The following MSRA variants were observed in gnomAD, a reference collection of about 807,000 sequenced individuals.
The protein encoded by MSRA is mitochondrial peptide methionine sulfoxide reductase.
In MSRA, 54 loss-of-function variants were observed where a neutral mutation model predicts 31.3. That is an observed-to-expected ratio of 1.73 (90% CI 1.39 to 2.17). The LOEUF is 2.17. Among genes scored for constraint, MSRA ranks in the 30% most tolerant of loss-of-function variants. The pLI is 0.00. For synonymous variants in MSRA, 169 were observed against 116.5 expected (o/e 1.45, Z -2.90); for missense variants, 507 against 300.9 (o/e 1.69, Z -5.07).
At chr8:10,160,292 A>AGG (rs1804520402) in intron 1 of MSRA, among the ~76,000 whole-genome samples, 1 of 152,076 alleles carries the variant, frequency 6.6e-6, no homozygotes, top group Non-Finnish European at 1.5e-5. Flanking sequence ...CAGGAGATCA[A>AGG]AGACCATCCT....
At chr8:10,274,165 G>C (rs1336326077) in intron 3 of MSRA, among the ~76,000 whole-genome samples, 2 of 152,216 alleles carry the variant, frequency 1.3e-5, no homozygotes, top group African/African-American at 2.4e-5. Context: ...GTTTGGAGCA[G>C]AGTTAATAAC....
rs72603903 is a variant in MSRA, at chr8:10,222,539, A to G, written c.211+14638A>G. Among the ~76,000 whole-genome samples the G allele has an allele frequency of 4.9e-3, 744 of 152,330 alleles. 17 individuals carry two copies. The East Asian group carries it at 0.08, about 16-fold the overall frequency. On this transcript the variant is annotated intron_variant, in intron 2 of 5. Coordinates refer to ENST00000317173, the MANE Select transcript of MSRA (RefSeq NM_012331.5). Reference sequence around the variant, plus strand: ...GCAATGAAATCACTATCTCAGAGATATTCATACTCTCACGTTCATTGAGGC... The same window carrying G: ...GCAATGAAATCACTATCTCAGAGATGTTCATACTCTCACGTTCATTGAGGC...
At chr8:10,280,192 T>G (rs1488217387) in intron 3 of MSRA, among the ~76,000 whole-genome samples, 7 of 151,444 alleles carry the variant, frequency 4.6e-5, no homozygotes, top group Non-Finnish European at 8.8e-5. Flanking sequence ...TTGTGCTTTC[T>G]TTTTTTTTCT....
intron 1 of MSRA, among the ~76,000 whole-genome samples, chr8:10,076,795 G>A (rs1342892584): frequency 6.6e-6 from 1 of 152,102 alleles, no homozygotes; most frequent in Non-Finnish European, 1.5e-5. Flanking sequence ...CTCCGATAGA[G>A]TGGGTAGCAT....
chr8:10,106,892 G>A (rs62488698), intron 1 of MSRA, among the ~76,000 whole-genome samples: 51,058 of 136,012 alleles, frequency 0.38, 9,658 homozygotes, highest in African/African-American at 0.54. Flanking sequence ...CCCTCCACCC[G>A]CCTACCCCTC....
At chr8:10,376,512 C>T (rs1016786147) in intron 5 of MSRA, among the ~76,000 whole-genome samples, 1 of 152,150 alleles carries the variant, frequency 6.6e-6, no homozygotes, top group African/African-American at 2.4e-5. Flanking sequence ...CCAATCTCTA[C>T]AATAAGGGTA....
intron 1 of MSRA, among the ~76,000 whole-genome samples, chr8:10,111,025 C>G (rs77443779): frequency 6.6e-6 from 1 of 152,320 alleles, no homozygotes; most frequent in African/African-American, 2.4e-5. Context: ...GGAACCATTA[C>G]TGACCTAGTT....
At chr8:10,295,742 A>G (rs1253234926) in intron 3 of MSRA, among the ~76,000 whole-genome samples, 1 of 152,062 alleles carries the variant, frequency 6.6e-6, no homozygotes, top group Non-Finnish European at 1.5e-5. Context: ...TGTACTCTGG[A>G]TCTGCAGCCC....
At chr8:10,388,372 G>A (rs1039369061) in intron 5 of MSRA, among the ~76,000 whole-genome samples, 1 of 152,166 alleles carries the variant, frequency 6.6e-6, no homozygotes, top group African/African-American at 2.4e-5. Context: ...TCTTAGAAGG[G>A]CAGATTTTCT....
At chr8:10,107,716 C>T (rs1799987409) in intron 1 of MSRA, among the ~76,000 whole-genome samples, 1 of 152,204 alleles carries the variant, frequency 6.6e-6, no homozygotes, top group Non-Finnish European at 1.5e-5. Flanking sequence ...AATGCTTATT[C>T]TCCTTCTGAG....
intron 5 of MSRA, among the ~76,000 whole-genome samples, chr8:10,380,385 G>T (rs1404781154): frequency 1.3e-5 from 2 of 152,162 alleles, no homozygotes; most frequent in Non-Finnish European, 2.9e-5. Context: ...CACTGTATTT[G>T]GTGGGATGGA....
intron 1 of MSRA, among the ~76,000 whole-genome samples, chr8:10,203,515 A>AT (rs2129058201): frequency 6.6e-6 from 1 of 152,384 alleles, no homozygotes; most frequent in African/African-American, 2.4e-5. Context: ...ACCTAGTGAC[A>AT]TTGTAACCAT....
chr8:10,060,435 A>T (rs560656180), intron 1 of MSRA, among the ~76,000 whole-genome samples: 1 of 152,218 alleles, frequency 6.6e-6, no homozygotes, highest in Non-Finnish European at 1.5e-5. Flanking sequence ...CTTTGAAAGG[A>T]TAGCTAAGAA....
In MSRA at chr8:10,339,838, G is replaced by T. The variant is rs192639360; in HGVS notation, c.543+19849G>T. Reference sequence around the variant, plus strand: ...TTACAGGCGTGAGCCACCACGCCCGGCAGCAAGGGGTTTTCAATACAGGCT... The same window carrying T: ...TTACAGGCGTGAGCCACCACGCCCGTCAGCAAGGGGTTTTCAATACAGGCT... On this transcript the variant is annotated intron_variant, in intron 5 of 5. Coordinates refer to ENST00000317173, the MANE Select transcript of MSRA (RefSeq NM_012331.5). Among the ~76,000 whole-genome samples the T allele has an allele frequency of 1.8e-4, 27 of 151,746 alleles. No individual in the cohort carries two copies. The East Asian group carries it at 5.1e-3, about 29-fold the overall frequency.
chr8:10,229,910 TA>T (rs1192368086), intron 2 of MSRA, among the ~76,000 whole-genome samples: 1 of 152,200 alleles, frequency 6.6e-6, no homozygotes, highest in Admixed American at 6.5e-5. Flanking sequence ...CCTCCCCATA[TA>T]ATCAGTGAAT....
Position 10,211,401 on chromosome 8 carries a change from C to G in MSRA, c.211+3500C>G, listed in dbSNP as rs147665451. Among the ~76,000 whole-genome samples the G allele has an allele frequency of 2.1e-4, 32 of 152,300 alleles. No homozygotes were observed. In the East Asian group the frequency reaches 5.8e-3, roughly 28 times the overall value. ...TTCTTAGCTTCCTCTGTGGCTCTCC[C>G]TCTCCTCTGCCCTTTTGGACAATGA... On this transcript the variant is annotated intron_variant, in intron 2 of 5. Coordinates refer to ENST00000317173, the MANE Select transcript of MSRA (RefSeq NM_012331.5).
At chr8:10,340,786 A>T (rs895038289) in intron 5 of MSRA, among the ~76,000 whole-genome samples, 38 of 152,254 alleles carry the variant, frequency 2.5e-4, no homozygotes, top group African/African-American at 8.4e-4. Context: ...TGTGGAAGCA[A>T]CCTATATACA....
At chr8:10,117,723 A>G (rs1163394289) in intron 1 of MSRA, among the ~76,000 whole-genome samples, 1 of 152,210 alleles carries the variant, frequency 6.6e-6, no homozygotes, top group African/African-American at 2.4e-5. Context: ...GATAGCTGTG[A>G]GTATTACTTG....
chr8:10,067,662 C>G (rs814405), intron 1 of MSRA, among the ~76,000 whole-genome samples: 16,329 of 152,146 alleles, frequency 0.11, 975 homozygotes, highest in African/African-American at 0.14. Context: ...CCTCTTGCTC[C>G]ACATCCTTCC....
Sources: allele counts gnomAD v4.1 joint callset (sites outside exome capture counted in the v4.1 genomes callset), GRCh38; gene constraint gnomAD v4.1.1; transcripts MANE v1.5; gene names NCBI Gene and HGNC (gene_info 2026-07-23, HGNC 2026-07-21).